KSR2: variants seen among roughly 807,000 people sequenced by gnomAD.
The protein encoded by KSR2 is kinase suppressor of ras 2.
Under a neutral mutation model 107.8 loss-of-function variants are expected in KSR2, and 25 were observed. That is an observed-to-expected ratio of 0.23 (90% confidence interval 0.17 to 0.32). KSR2 has a LOEUF of 0.32. Ranked by LOEUF, KSR2 falls within the 10% of genes least tolerant of loss-of-function variation. KSR2 has a pLI of 1.00. For synonymous variants in KSR2, 480 were observed against 507.0 expected, an observed-to-expected ratio of 0.95 and a Z score of 0.71; for missense variants, 887 against 1,268.9, an observed-to-expected ratio of 0.70 and a Z score of 4.57.
chr12:117,757,006 G>A (rs554127481), intron 4 of KSR2, among the ~76,000 whole-genome samples: 1 of 148,564 alleles, frequency 6.7e-6, no homozygotes, highest in Non-Finnish European at 1.5e-5. Context: ...AGTGAGCCGA[G>A]ATTGCTCCAT....
intron 10 of KSR2, among the ~76,000 whole-genome samples, chr12:117,538,935 C>A (rs1005962573): frequency 4.6e-5 from 7 of 151,854 alleles, no homozygotes; most frequent in Admixed American, 2.6e-4. Flanking sequence ...CCAGGCTGGA[C>A]CCTGGAAGAG....
chr12:117,646,381 C>T (rs1156328999), intron 5 of KSR2, among the ~76,000 whole-genome samples: 1 of 152,146 alleles, frequency 6.6e-6, no homozygotes, highest in Non-Finnish European at 1.5e-5. Context: ...CTCGTGGCAG[C>T]TCTGCGAGGC....
intron 3 of KSR2, among the ~76,000 whole-genome samples, chr12:117,854,424 T>C (rs1387359971): frequency 6.6e-6 from 1 of 152,232 alleles, no homozygotes; most frequent in Non-Finnish European, 1.5e-5. Flanking sequence ...TTCTGTTTTG[T>C]TCACCGCTGC....
chr12:117,806,483 C>T (rs1044054826), intron 3 of KSR2, among the ~76,000 whole-genome samples: 1 of 152,178 alleles, frequency 6.6e-6, no homozygotes. Flanking sequence ...CAGAAGCAGA[C>T]TAAGGACTTC....
rs180893754 is a variant in KSR2 at position 117,537,774 on chromosome 12, C to T, written c.1687+1945G>A. Among the ~76,000 whole-genome samples the T allele has an allele frequency of 5.3e-5, 8 of 152,306 alleles. No homozygotes were observed. In the East Asian group the frequency reaches 5.8e-4, roughly 11 times the overall value. ...TGGAGCAGATGGGGATAAGGTGGCA[C>T]GCTAGAACAGCAAATTGTCAGGCAC... On this transcript the variant is annotated intron_variant, in intron 10 of 19. Transcript: ENST00000339824.
chr12:117,859,593 A>G (rs562308811), intron 2 of KSR2, among the ~76,000 whole-genome samples: 33 of 151,354 alleles, frequency 2.2e-4, no homozygotes, highest in African/African-American at 7.5e-4. Context: ...AGTAGCTAGG[A>G]CCACAGGCAT....
chr12:117,513,405 G>T (rs562559077), intron 14 of KSR2, among the ~76,000 whole-genome samples: 19 of 152,316 alleles, frequency 1.2e-4, no homozygotes, highest in African/African-American at 4.6e-4. Context: ...CTGGAGCCAG[G>T]TTGGGAATAC....
chr12:117,587,908 G>GA (rs199877500), intron 5 of KSR2, among the ~76,000 whole-genome samples: 2,033 of 152,192 alleles, frequency 0.013, 50 homozygotes, highest in African/African-American at 0.047. Flanking sequence ...GCTGTAACTG[G>GA]AAAAAACAGG....
chr12:117,770,752 G>T (rs1395262362), intron 3 of KSR2, among the ~76,000 whole-genome samples: 2 of 151,736 alleles, frequency 1.3e-5, no homozygotes, highest in Non-Finnish European at 2.9e-5. Context: ...CAGATCACGA[G>T]GTCAGGAGAT....
At chr12:117,818,139 A>G (rs899258801) in intron 3 of KSR2, among the ~76,000 whole-genome samples, 4 of 152,146 alleles carry the variant, frequency 2.6e-5, no homozygotes, top group Non-Finnish European at 1.5e-5. Context: ...GGTTTATCCA[A>G]TATGTCCCTC....
intron 3 of KSR2, among the ~76,000 whole-genome samples, chr12:117,828,791 A>G (rs1029754314): frequency 6.6e-6 from 1 of 152,174 alleles, no homozygotes; most frequent in Non-Finnish European, 1.5e-5. Context: ...TGTGGGATGC[A>G]CCAGACTCTA....
At chr12:117,752,722 T>C (rs1321337527) in intron 4 of KSR2, among the ~76,000 whole-genome samples, 5 of 152,240 alleles carry the variant, frequency 3.3e-5, no homozygotes, top group Non-Finnish European at 7.3e-5. Flanking sequence ...TGAAAAAATA[T>C]ATATGTGATA....
chr12:117,914,741 G>A (rs1051261117), intron 1 of KSR2, among the ~76,000 whole-genome samples: 1 of 152,116 alleles, frequency 6.6e-6, no homozygotes, highest in African/African-American at 2.4e-5. Context: ...TTACTATGTT[G>A]CCCAGGCTGG....
chr12:117,716,799 G>C (rs918996007), intron 4 of KSR2, among the ~76,000 whole-genome samples: 2 of 152,170 alleles, frequency 1.3e-5, no homozygotes, highest in Non-Finnish European at 2.9e-5. Flanking sequence ...AACCATGCAG[G>C]GTTGTGATGT....
At position 117,626,560 on chromosome 12, in the gene KSR2, G is replaced by A. The variant is rs576498104; in HGVS notation, c.1171+40914C>T. Reference sequence around the variant, plus strand: ...TGAGTTCTAATTTGATTGCACTGTCGTCTGAGAGACAGTTTGTTGTGATTT... The same window carrying A: ...TGAGTTCTAATTTGATTGCACTGTCATCTGAGAGACAGTTTGTTGTGATTT... On this transcript the variant is annotated intron_variant, in intron 5 of 19. Transcript: ENST00000339824. Among the ~76,000 whole-genome samples the A allele has an allele frequency of 1.2e-3, 177 of 152,290 alleles. 1 individual carries two copies. The highest frequency in any genetic ancestry group is 4.0e-3 in the African/African-American group (165 of 41,576).
chr12:117,558,674 AATGGATGGGTGAATGGATGGGTAG>A, intron 7 of KSR2, 101 bp from the exon 8 acceptor site: 1 of 793,690 alleles, frequency 1.3e-6, no homozygotes, highest in South Asian at 1.5e-5. Context: ...TGGGTGGATG[AATGGATGGGTGAATGGATGGGTAG>A]ATGGATGGGG....
rs146728111 is a variant in KSR2, at chr12:117,467,578, G to C, written c.2847-373C>G. Among the ~76,000 whole-genome samples the C allele has an allele frequency of 3.0e-3, 450 of 152,314 alleles. 2 individuals are homozygous for C. Among genetic ancestry groups the C allele is most frequent in the African/African-American group, 0.01 (432 of 41,570 alleles). ...CCAGGAAGCAGCAGGGTCAGGATTTGAACCCAGAACTTTTCCCACTTGGGC... is the reference window on the plus strand; with the variant it reads ...CCAGGAAGCAGCAGGGTCAGGATTTCAACCCAGAACTTTTCCCACTTGGGC... On this transcript the variant is annotated intron_variant, in intron 19 of 19. Coordinates refer to ENST00000339824, the MANE Select transcript of KSR2 (RefSeq NM_173598.6).
intron 5 of KSR2, among the ~76,000 whole-genome samples, chr12:117,634,750 C>T (rs1040054913): frequency 2.0e-5 from 3 of 152,120 alleles, no homozygotes; most frequent in African/African-American, 7.2e-5. Flanking sequence ...CTGAAATCAA[C>T]CAGGGTTACT....
At chr12:117,905,138 C>T (rs997163677) in intron 1 of KSR2, among the ~76,000 whole-genome samples, 1 of 152,144 alleles carries the variant, frequency 6.6e-6, no homozygotes, top group African/African-American at 2.4e-5. Flanking sequence ...GCCAAGATCA[C>T]ACCACTGCAC....
Sources: allele counts gnomAD v4.1 joint callset (sites outside exome capture counted in the v4.1 genomes callset), GRCh38; gene constraint gnomAD v4.1.1; transcripts MANE v1.5; gene names NCBI Gene and HGNC (gene_info 2026-07-23, HGNC 2026-07-21).